The following SLC25A48 variants were observed in gnomAD, a reference collection of about 807,000 sequenced individuals.
The protein encoded by SLC25A48 is CTC-321K16.1.
In SLC25A48, 29 loss-of-function variants were observed where a neutral mutation model predicts 32.2. That is an observed-to-expected ratio of 0.90 (90% confidence interval 0.67 to 1.23). The LOEUF is 1.23. Among genes scored for constraint, SLC25A48 ranks in the 50% most tolerant of loss-of-function variants. SLC25A48 has a pLI of 0.00. For synonymous variants in SLC25A48, 164 were observed against 172.3 expected (o/e 0.95, Z 0.38); for missense variants, 399 against 422.7 (o/e 0.94, Z 0.49).
chr5:135,727,673 G>A (rs971338188), intron 3 of SLC25A48, among the ~76,000 whole-genome samples: 2 of 152,026 alleles, frequency 1.3e-5, no homozygotes, highest in African/African-American at 4.8e-5. Flanking sequence ...TCTTCTCTCT[G>A]TTGATCTGTG....
Position 135,865,059 on chromosome 5 carries a change from G to A in SLC25A48, c.422-6402G>A, listed in dbSNP as rs572747143. On this transcript the variant is annotated intron_variant, in intron 4 of 7. Coordinates refer to ENST00000681962, the MANE Select transcript of SLC25A48 (RefSeq NM_001349336.2). ...TTTGCATGGCATGTATTTCAGTAAAGCACATTTGTCAATATTCCCTTTTCA... is the reference window on the plus strand; with the variant it reads ...TTTGCATGGCATGTATTTCAGTAAAACACATTTGTCAATATTCCCTTTTCA... Among the ~76,000 whole-genome samples, 27 of 152,324 alleles carry A rather than the reference G, an allele frequency of 1.8e-4. 1 individual carries two copies. Among genetic ancestry groups the A allele is most frequent in the Admixed American group, 1.4e-3 (21 of 15,306 alleles).
intron 3 of SLC25A48, among the ~76,000 whole-genome samples, chr5:135,689,148 G>A (rs1267014975): frequency 6.6e-6 from 1 of 152,168 alleles, no homozygotes; most frequent in Non-Finnish European, 1.5e-5. Flanking sequence ...AAATCAATGA[G>A]ATAAGCCAAA....
chr5:135,732,072 T>TAAC (rs1201097626), intron 3 of SLC25A48, among the ~76,000 whole-genome samples: 1 of 152,284 alleles, frequency 6.6e-6, no homozygotes, highest in Non-Finnish European at 1.5e-5. Flanking sequence ...CTGTACCCTG[T>TAAC]AGCATTCCAA....
At chr5:135,751,967 G>GA (rs1390697776) in intron 3 of SLC25A48, among the ~76,000 whole-genome samples, 1 of 151,962 alleles carries the variant, frequency 6.6e-6, no homozygotes, top group Admixed American at 6.6e-5. Flanking sequence ...TATCCAAACA[G>GA]AAAAAAATGA....
chr5:135,653,734 A>T (rs1753172758), intron 3 of SLC25A48: 1 of 447,610 alleles, frequency 2.2e-6, no homozygotes, highest in African/African-American at 2.0e-5. Flanking sequence ...CCTTTGGAAG[A>T]TAAAGGAGCT....
At chr5:135,733,365 G>A (rs946050105) in intron 3 of SLC25A48, among the ~76,000 whole-genome samples, 36 of 152,328 alleles carry the variant, frequency 2.4e-4, no homozygotes, top group Admixed American at 1.3e-3. Context: ...ATATAGTCAT[G>A]GGGGTCAGGT....
At chr5:135,781,654 G>A (rs1272672034) in intron 3 of SLC25A48, among the ~76,000 whole-genome samples, 1 of 116,666 alleles carries the variant, frequency 8.6e-6, no homozygotes, top group African/African-American at 2.6e-5. Context: ...ATCGCAGTGG[G>A]TGTACACCTC....
intron 3 of SLC25A48, among the ~76,000 whole-genome samples, chr5:135,703,710 C>A (rs1054632355): frequency 6.6e-6 from 1 of 152,192 alleles, no homozygotes; most frequent in Non-Finnish European, 1.5e-5. Context: ...TGACACCACA[C>A]AGTAACTTGT....
intron 3 of SLC25A48, among the ~76,000 whole-genome samples, chr5:135,767,396 T>C (rs1057464961): frequency 3.9e-5 from 6 of 151,924 alleles, no homozygotes; most frequent in African/African-American, 1.2e-4. Context: ...TTGCGGGCGG[T>C]GCACACACCC....
intron 3 of SLC25A48, among the ~76,000 whole-genome samples, chr5:135,663,812 C>A (rs1036810750): frequency 1.3e-5 from 2 of 152,252 alleles, no homozygotes; most frequent in Non-Finnish European, 2.9e-5. Flanking sequence ...TCCTGGGAGT[C>A]CTTTTGGCCT....
At chr5:135,596,271 A>G (rs1751648450) in intron 1 of SLC25A48, among the ~76,000 whole-genome samples, 1 of 152,200 alleles carries the variant, frequency 6.6e-6, no homozygotes, top group Non-Finnish European at 1.5e-5. Context: ...ACAAGTGATA[A>G]TTGTTTATAC....
At chr5:135,876,131 CTTTTTTTTTTTTTTTT>C (rs1182130199) in intron 6 of SLC25A48, 2 of 24,398 alleles carry the variant, frequency 8.2e-5, no homozygotes, top group East Asian at 3.5e-3. Context: ...TTTTCTTCTT[CTTTTTTTTTTTTTTTT>C]TTTTTTTTTT....
intron 3 of SLC25A48, among the ~76,000 whole-genome samples, chr5:135,714,334 T>G (rs1010496994): frequency 1.3e-5 from 2 of 152,198 alleles, no homozygotes; most frequent in Non-Finnish European, 2.9e-5. Context: ...CACAAATTCC[T>G]CCAGCCCCAG....
At chr5:135,811,084 G>A (rs747909612) in intron 3 of SLC25A48, among the ~76,000 whole-genome samples, 1 of 152,108 alleles carries the variant, frequency 6.6e-6, no homozygotes, top group Non-Finnish European at 1.5e-5. Context: ...TCTGTAGGAG[G>A]GATCCTGCCT....
At chr5:135,742,296 A>T (rs1755517538) in intron 3 of SLC25A48, among the ~76,000 whole-genome samples, 1 of 152,140 alleles carries the variant, frequency 6.6e-6, no homozygotes, top group Non-Finnish European at 1.5e-5. Context: ...GGCCAGGCTG[A>T]TCTCAAACTC....
intron 3 of SLC25A48, among the ~76,000 whole-genome samples, chr5:135,731,257 C>A (rs1380332381): frequency 1.3e-5 from 2 of 152,156 alleles, no homozygotes; most frequent in African/African-American, 2.4e-5. Context: ...AAGGCAGTGT[C>A]ATCAGTTAAG....
chr5:135,642,514 C>T (rs554151445), intron 3 of SLC25A48, among the ~76,000 whole-genome samples: 13 of 152,248 alleles, frequency 8.5e-5, no homozygotes, highest in Admixed American at 2.6e-4. Flanking sequence ...CCCAAAGAGC[C>T]GGGTGGAAAT....
intron 3 of SLC25A48, among the ~76,000 whole-genome samples, chr5:135,784,706 A>C (rs568690851): frequency 1.7e-5 from 2 of 118,470 alleles, no homozygotes; most frequent in East Asian, 4.2e-4. Context: ...CCAATATCGC[A>C]GGAAGTGTAC....
chr5:135,696,855 T>C (rs965070927), intron 3 of SLC25A48, among the ~76,000 whole-genome samples: 1 of 152,044 alleles, frequency 6.6e-6, no homozygotes, highest in African/African-American at 2.4e-5. Context: ...ACAGGGGAGC[T>C]GGGTATGAAC....
Sources: gnomAD v4.1 joint callset for allele counts (sites outside exome capture counted in the v4.1 genomes callset) on GRCh38, gnomAD v4.1.1 for gene constraint, MANE v1.5 for transcripts, NCBI Gene and HGNC (gene_info 2026-07-23, HGNC 2026-07-21) for gene names.